Variants in CC2D1B observed in about 807,000 individuals in gnomAD.
The protein encoded by CC2D1B is coiled-coil and C2 domain-containing protein 1B.
In CC2D1B, 92 loss-of-function variants were observed where a neutral mutation model predicts 110.8. The ratio of observed to expected loss-of-function variants is 0.83; its 90% confidence interval spans 0.70 to 0.99. The LOEUF (loss-of-function observed/expected upper bound fraction) is 0.99, where lower values mean the gene tolerates loss of function less well. CC2D1B is among the 50% of genes least tolerant of loss of function. CC2D1B has a pLI of 0.00. For missense variants in CC2D1B, 1,136 were observed against 1,089.0 expected (o/e 1.04, Z -0.61); for synonymous variants, 406 against 429.2 (o/e 0.95, Z 0.67).
At position 52,353,300 on chromosome 1, in the gene CC2D1B, AAGAT is replaced by A. The variant is rs3838980; in HGVS notation, c.*2-81_*2-78del. ...CAAAGATTTTAGAAAGGGTTTCCTG[AAGAT>A]AGATAGATAGATAGATAGTTAAACC... On this transcript the variant is annotated intron_variant, in intron 24 of 24. Transcript: ENST00000284376. 0.027 allele frequency: 39,980 copies of A among 1,475,832 alleles called. 4,333 individuals are homozygous for A. In the African/African-American group the frequency reaches 0.34, roughly 13 times the overall value. The allele number at this position is 1,475,832 out of a possible 1,614,324, so 91.4% of individuals were successfully genotyped here. A position where few individuals can be genotyped will look rare whatever the true frequency, so the allele number is the denominator to read the frequency against.
intron 15 of CC2D1B, 144 bp from the exon 16 acceptor site, chr1:52,357,270 C>G: frequency 9.6e-7 from 1 of 1,041,352 alleles, no homozygotes; most frequent in African/African-American, 1.6e-5. Context: ...CATTCTATCC[C>G]AAAATAACAC....
chr1:52,356,837 G>C, intron 16 of CC2D1B, 164 bp downstream of exon 16: 1 of 766,432 alleles, frequency 1.3e-6, no homozygotes, highest in Non-Finnish European at 2.1e-6. Context: ...TCATAGATGA[G>C]GAAAATGTAG....
rs1240885063 is a variant in CC2D1B at position 52,359,439 on chromosome 1, C to CT, written c.1018+19dup. On this transcript the variant is annotated intron_variant, in intron 9 of 24. Transcript: ENST00000284376. ...TACTCCTCCCCAACCCCACCGCAGC[C>CT]TGAGAAGATACATACTGACCCTCAG... is the stretch of plus-strand genomic sequence containing the variant. 1.2e-6 allele frequency: 2 copies of CT among 1,613,908 alleles called. No homozygotes were observed. The highest frequency in any genetic ancestry group is 1.7e-6 in the Non-Finnish European group (2 of 1,179,948).
Position 52,355,334 on chromosome 1 carries a change from T to C in CC2D1B, c.2239+64A>G. The C allele has an allele frequency of 2.6e-6, 4 of 1,559,468 alleles. No individual in the cohort carries two copies. In the South Asian group the frequency reaches 3.4e-5, roughly 13 times the overall value. On this transcript the variant is annotated intron_variant, in intron 21 of 24. Transcript: ENST00000284376. Reference sequence around the variant, plus strand: ...TAAGGGCATAGATGGGAACCCACTCTGGAAACACCAGTGCTGCCCACACAC... The same window carrying C: ...TAAGGGCATAGATGGGAACCCACTCCGGAAACACCAGTGCTGCCCACACAC...
At position 52,352,999 on chromosome 1, in the gene CC2D1B, C is replaced by G. The variant is rs1646557771; in HGVS notation, c.*226G>C. On this transcript the variant is annotated 3_prime_UTR_variant, in exon 25 of 25. Coordinates refer to ENST00000284376, the MANE Select transcript of CC2D1B (RefSeq NM_001330585.2). ...CTTCCAGACTCGGGGCAGGGGGAGA[C>G]AGCGGGGAGATGGGCTCCTGGAACC... 2 of 388,028 alleles carry G rather than the reference C, an allele frequency of 5.2e-6. No individual in the cohort carries two copies. Among genetic ancestry groups the G allele is most frequent in the Non-Finnish European group, 1.0e-5 (2 of 193,288 alleles). 24.0% of individuals were successfully genotyped at this position (388,028 alleles called of 1,614,324 possible).
rs754175044 is a variant in CC2D1B at position 52,355,893 on chromosome 1, T to C, written c.2055-49A>G. 9.5e-6 allele frequency: 15 copies of C among 1,587,156 alleles called. No homozygotes were observed. The South Asian group carries it at 1.4e-4, about 15-fold the overall frequency. ...AATGCTCAAAAGTGAAGGACAGTAG[T>C]GGAACAAGGTCCCTTCGTCCAGGGC... On this transcript the variant is annotated intron_variant, in intron 18 of 24. Transcript: ENST00000284376.
At chr1:52,363,822 AGGCACATGCCACCAC>A (rs1196695846) in intron 2 of CC2D1B, among the ~76,000 whole-genome samples, 1 of 152,126 alleles carries the variant, frequency 6.6e-6, no homozygotes, top group Non-Finnish European at 1.5e-5. Context: ...CTGGGAATAC[AGGCACATGCCACCAC>A]GCCCAGCTAA....
At chr1:52,354,235 C>T in intron 23 of CC2D1B, 1 of 398,656 alleles carries the variant, frequency 2.5e-6, no homozygotes, top group Non-Finnish European at 4.8e-6. Context: ...AGAGCCCCAG[C>T]CTACATAGGT....
intron 23 of CC2D1B, 150 bp from the exon 24 acceptor site, chr1:52,353,797 C>G: frequency 1.7e-6 from 1 of 584,232 alleles, no homozygotes; most frequent in African/African-American, 1.9e-5. Flanking sequence ...CCTACCCTCC[C>G]AGTATTTGGA....
In CC2D1B at chr1:52,359,834, G is replaced by A. The variant is rs766265631; in HGVS notation, c.813C>T (p.Pro271=). The A allele has an allele frequency of 1.1e-5, 17 of 1,611,882 alleles. No homozygotes were observed. The highest frequency in any genetic ancestry group is 3.4e-5 in the Admixed American group (2 of 59,698). ...ETSLPGISAQ[P]VSDLDPDPRA... ...GCGGGTCTGGGTCTAAGTCTGAAAC[G>A]GGCTGGGCAGAAATGCCAGGGAGGC... Residue 271 remains proline (P), a synonymous_variant, in exon 8 of 25, where the codon CCC becomes CCT. Transcript: ENST00000284376.
At chr1:52,353,719 CCA>C in intron 23 of CC2D1B, 72 bp from the exon 24 acceptor site, 1 of 1,173,006 alleles carries the variant, frequency 8.5e-7, no homozygotes, top group Non-Finnish European at 1.2e-6. Context: ...CCCTACATTC[CCA>C]GGAAAGAAGT....
intron 1 of CC2D1B, among the ~76,000 whole-genome samples, chr1:52,364,848 G>A (rs1259861239): frequency 1.3e-5 from 2 of 152,186 alleles, no homozygotes; most frequent in Admixed American, 6.5e-5. Context: ...TGTTCTGAAC[G>A]GACTCAAATT....
Position 52,364,630 on chromosome 1 carries a change from G to T in CC2D1B, c.-10C>A. 1 of 1,602,566 alleles carries T rather than the reference G, an allele frequency of 6.2e-7. No homozygotes were observed. Among genetic ancestry groups the T allele is most frequent in the Non-Finnish European group, 8.5e-7 (1 of 1,171,018 alleles). On this transcript the variant is annotated 5_prime_UTR_variant, in exon 2 of 25. Coordinates refer to ENST00000284376, the MANE Select transcript of CC2D1B (RefSeq NM_001330585.2). The stretch of plus-strand genomic sequence containing the variant: ...TTGGCCCTGGCATCATGGCAGCCTA[G>T]ATACCTATGGAAGAGTTACAGAGAT...
chr1:52,357,414 C>A, intron 15 of CC2D1B, 112 bp downstream of exon 15: 1 of 1,178,668 alleles, frequency 8.5e-7, no homozygotes, highest in Non-Finnish European at 1.2e-6. Context: ...TGTCATCATG[C>A]TCTGTCCAAA....
At position 52,360,071 on chromosome 1, in the gene CC2D1B, T is replaced by C. The variant is rs1173700102; in HGVS notation, c.763+3A>G. 6.4e-7 allele frequency: 1 copy of C among 1,573,464 alleles called. No individual in the cohort carries two copies. The highest frequency in any genetic ancestry group is 2.2e-5 in the East Asian group (1 of 44,666). ...AGAACAGGATTTGGGCATCTGCAGA[T>C]ACCTGACTCCAAGGCAGGGGGAGCT... On this transcript the variant is annotated splice_donor_region_variant and intron_variant, in intron 7 of 24. Transcript: ENST00000284376.
intron 20 of CC2D1B, 75 bp from the exon 21 acceptor site, chr1:52,355,524 C>G: frequency 6.2e-7 from 1 of 1,601,164 alleles, no homozygotes; most frequent in Non-Finnish European, 8.6e-7. Flanking sequence ...GCAGCCACAC[C>G]TCCCAGGGAT....
intron 2 of CC2D1B, among the ~76,000 whole-genome samples, chr1:52,364,067 G>A (rs150934146): frequency 9.8e-5 from 15 of 152,306 alleles, no homozygotes; most frequent in African/African-American, 3.6e-4. Context: ...TTTGCGACTT[G>A]AGTCTATGCC....
chr1:52,358,315 G>A lies in CC2D1B; in HGVS notation c.1461+16C>T. ...TATTCTCCCCACCAGCCCTGGAGTT[G>A]AGCCCTCAACCAAACCTCGTCCTCG... On this transcript the variant is annotated intron_variant, in intron 13 of 24. Coordinates refer to ENST00000284376, the MANE Select transcript of CC2D1B (RefSeq NM_001330585.2). 6.2e-7 allele frequency: 1 copy of A among 1,610,818 alleles called. No homozygotes were observed. The highest frequency in any genetic ancestry group is 8.5e-7 in the Non-Finnish European group (1 of 1,178,052).
intron 17 of CC2D1B, 32 bp downstream of exon 17, chr1:52,356,352 C>T (rs1354195123): frequency 1.9e-6 from 3 of 1,614,022 alleles, no homozygotes. Context: ...TGCTCCCCAC[C>T]CTATGAGCCC....
Sources: gnomAD v4.1 joint callset for allele counts (sites outside exome capture counted in the v4.1 genomes callset) on GRCh38, gnomAD v4.1.1 for gene constraint, MANE v1.5 for transcripts, NCBI Gene and HGNC (gene_info 2026-07-23, HGNC 2026-07-21) for gene names.